PCDHGA6: variants seen among roughly 807,000 people sequenced by gnomAD.
PCDHGA6 encodes protocadherin gamma subfamily A, 6.
In PCDHGA6, 41 loss-of-function variants were observed where a neutral mutation model predicts 60.6. The observed-to-expected ratio is 0.68, with a 90% CI of 0.53 to 0.88. The LOEUF is 0.88. Ranked by LOEUF, PCDHGA6 falls within the 40% of genes least tolerant of loss-of-function variation. The probability of loss-of-function intolerance (pLI) is 0.00; values close to 1 mark genes in which losing one functional copy is unlikely to be tolerated. For synonymous variants in PCDHGA6, 594 were observed against 524.4 expected (o/e 1.13, Z -1.81); for missense variants, 1,312 against 1,203.0 (o/e 1.09, Z -1.34).
chr5:141,445,188 G>A (rs1267342449), intron 1 of PCDHGA6, among the ~76,000 whole-genome samples: 5 of 152,198 alleles, frequency 3.3e-5, no homozygotes, highest in South Asian at 2.1e-4. Flanking sequence ...ATGTTTTTAT[G>A]TATTCTATAT....
At chr5:141,387,602 G>A in intron 1 of PCDHGA6, 3 of 545,116 alleles carry the variant, frequency 5.5e-6, no homozygotes, top group Middle Eastern at 9.5e-4. Context: ...AGCAGCAGAG[G>A]CTGTAGTTTC....
chr5:141,421,410 G>A lies in PCDHGA6; in HGVS notation c.2424+44903G>A, dbSNP rs538537555. On this transcript the variant is annotated intron_variant, in intron 1 of 3. Transcript: ENST00000517434. ...TGGGGCTGGAGCCCCGGGAGCTGGCGAAGCGCGGAGTCCGCATCGTCTCCA... is the reference window on the plus strand; with the variant it reads ...TGGGGCTGGAGCCCCGGGAGCTGGCAAAGCGCGGAGTCCGCATCGTCTCCA... The A allele has an allele frequency of 3.7e-6, 6 of 1,614,084 alleles. No homozygotes were observed. In the African/African-American group the frequency reaches 6.7e-5, roughly 18 times the overall value.
Position 141,428,104 on chromosome 5 carries a change from T to C in PCDHGA6, c.2424+51597T>C, listed in dbSNP as rs751953406. ...AACGCTTGGCTGTCCTACCACGTGCTGCAGGCCATCGAGCCCGGGCTTTTC... is the reference window on the plus strand; with the variant it reads ...AACGCTTGGCTGTCCTACCACGTGCCGCAGGCCATCGAGCCCGGGCTTTTC... On this transcript the variant is annotated intron_variant, in intron 1 of 3. Coordinates refer to ENST00000517434, the MANE Select transcript of PCDHGA6 (RefSeq NM_018919.3). The C allele has an allele frequency of 1.9e-6, 3 of 1,608,398 alleles. No individual in the cohort carries two copies. The South Asian group carries it at 3.3e-5, about 18-fold the overall frequency.
At chr5:141,442,837 A>C (rs2098346617) in intron 1 of PCDHGA6, among the ~76,000 whole-genome samples, 1 of 152,202 alleles carries the variant, frequency 6.6e-6, no homozygotes, top group South Asian at 2.1e-4. Flanking sequence ...GGGAGGGACA[A>C]ATCTTGGCCA....
intron 1 of PCDHGA6, among the ~76,000 whole-genome samples, chr5:141,430,329 T>G (rs1466381565): frequency 1.3e-5 from 2 of 151,776 alleles, no homozygotes; most frequent in Non-Finnish European, 2.9e-5. Flanking sequence ...AATCATTGTT[T>G]ATAGAAACTT....
chr5:141,393,683 G>T lies in PCDHGA6; in HGVS notation c.2424+17176G>T, dbSNP rs370409157. ...GGAAAATTAATGAAAAACAAACTCC[G>T]TTATTCCAGCTTAATGAAAATACTG... On this transcript the variant is annotated intron_variant, in intron 1 of 3. Transcript: ENST00000517434. The T allele has an allele frequency of 2.1e-5, 34 of 1,613,732 alleles. 1 individual carries two copies. The South Asian group carries it at 3.7e-4, about 18-fold the overall frequency.
rs894528472 is a variant in PCDHGA6 at position 141,489,718 on chromosome 5, C to A, written c.2425-5089C>A. 6.2e-7 allele frequency: 1 copy of A among 1,614,038 alleles called. No individual in the cohort carries two copies. Among genetic ancestry groups the A allele is most frequent in the African/African-American group, 1.3e-5 (1 of 74,934 alleles). ...ATTCCCACTGGACAGTGCCCAGGATCCGGATGTGGGCACCAATACTGTGAG... is the reference window on the plus strand; with the variant it reads ...ATTCCCACTGGACAGTGCCCAGGATACGGATGTGGGCACCAATACTGTGAG... On this transcript the variant is annotated intron_variant, in intron 1 of 3. Coordinates refer to ENST00000517434, the MANE Select transcript of PCDHGA6 (RefSeq NM_018919.3). This position sits in a 1 kb window ranked among gnomAD's most constrained non-coding sequence, Gnocchi z 4.5.
At chr5:141,405,062 T>C in intron 1 of PCDHGA6, 1 of 1,613,918 alleles carries the variant, frequency 6.2e-7, no homozygotes, top group Non-Finnish European at 8.5e-7. Flanking sequence ...CTCCTGTGTC[T>C]TCCTCACCTT....
chr5:141,392,971 G>T (rs2092639952), intron 1 of PCDHGA6: 1 of 1,613,896 alleles, frequency 6.2e-7, no homozygotes, highest in Non-Finnish European at 8.5e-7. Flanking sequence ...AAGGACCTGG[G>T]GCTGGACCCC....
chr5:141,384,703 G>C lies in PCDHGA6; in HGVS notation c.2424+8196G>C, dbSNP rs776947081. ...GGTGGACAAAGATTCAGGCCAGAAC[G>C]CCTGGCTGTCATACCTCCTGCTTAA... On this transcript the variant is annotated intron_variant, in intron 1 of 3. Transcript: ENST00000517434. 2 of 1,613,982 alleles carry C rather than the reference G, an allele frequency of 1.2e-6. No individual in the cohort carries two copies. Among genetic ancestry groups the C allele is most frequent in the African/African-American group, 1.3e-5 (1 of 74,932 alleles).
At chr5:141,443,166 C>G (rs914863821) in intron 1 of PCDHGA6, among the ~76,000 whole-genome samples, 1 of 152,124 alleles carries the variant, frequency 6.6e-6, no homozygotes, top group African/African-American at 2.4e-5. Flanking sequence ...ATTTCCCTAC[C>G]CATGTCCACT....
intron 1 of PCDHGA6, chr5:141,478,068 A>G (rs560968418): frequency 3.7e-6 from 6 of 1,614,134 alleles, no homozygotes; most frequent in East Asian, 4.5e-5. Flanking sequence ...ATCAAAGACA[A>G]TGGGGAGCCT....
At position 141,432,643 on chromosome 5, in the gene PCDHGA6, G is replaced by A. The variant is rs2097523971; in HGVS notation, c.2424+56136G>A. 15 of 1,613,754 alleles carry A rather than the reference G, an allele frequency of 9.3e-6. No homozygotes were observed. Among genetic ancestry groups the A allele is most frequent in the East Asian group, 4.5e-5 (2 of 44,860 alleles). ...GTCTGCACACGGGCGAGGTGCGCAC[G>A]GCGCGAGCCCTGCTGGACAGAGACG... On this transcript the variant is annotated intron_variant, in intron 1 of 3. Coordinates refer to ENST00000517434, the MANE Select transcript of PCDHGA6 (RefSeq NM_018919.3). This position sits in a 1 kb window ranked among gnomAD's most constrained non-coding sequence, Gnocchi z 6.0.
intron 1 of PCDHGA6, chr5:141,394,562 G>A (rs1381162611): frequency 2.5e-6 from 4 of 1,614,088 alleles, no homozygotes; most frequent in Admixed American, 3.3e-5. Flanking sequence ...GCTCCGCAGA[G>A]CGTGGCTACC....
At chr5:141,384,606 AGAT>A (rs1561603197) in intron 1 of PCDHGA6, 6 of 1,614,152 alleles carry the variant, frequency 3.7e-6, no homozygotes, top group Non-Finnish European at 5.1e-6. Flanking sequence ...CCCTCCCCAC[AGAT>A]GGTTCTACTG....
chr5:141,413,227 G>T (rs552225139), intron 1 of PCDHGA6: 2 of 1,613,938 alleles, frequency 1.2e-6, no homozygotes, highest in South Asian at 2.2e-5. Flanking sequence ...CAGCGGGCTG[G>T]TCCTGCTCTG....
Position 141,505,374 on chromosome 5 carries a change from C to T in PCDHGA6, c.2484-19C>T. The T allele has an allele frequency of 2.5e-6, 4 of 1,614,004 alleles. No homozygotes were observed. Among genetic ancestry groups the T allele is most frequent in the Non-Finnish European group, 2.5e-6 (3 of 1,179,944 alleles). On this transcript the variant is annotated intron_variant, in intron 2 of 3. Coordinates refer to ENST00000517434, the MANE Select transcript of PCDHGA6 (RefSeq NM_018919.3). Reference sequence around the variant, plus strand: ...TGCCGGCCTGGGAGTCTGTGCTCACCATCCTACTCTCTCCCCAGCTCCCAA... The same window carrying T: ...TGCCGGCCTGGGAGTCTGTGCTCACTATCCTACTCTCTCCCCAGCTCCCAA...
chr5:141,423,597 G>C, intron 1 of PCDHGA6: 1 of 1,613,188 alleles, frequency 6.2e-7, no homozygotes, highest in Non-Finnish European at 8.5e-7. Context: ...AGAAAAGCGA[G>C]CCACTCTTGA....
intron 1 of PCDHGA6, among the ~76,000 whole-genome samples, chr5:141,467,372 T>C (rs1006663543): frequency 2.0e-5 from 3 of 152,072 alleles, no homozygotes; most frequent in African/African-American, 7.2e-5. Flanking sequence ...TTTTCTTATA[T>C]TGCATTTAGG....
Sources: gnomAD v4.1 joint callset for allele counts (sites outside exome capture counted in the v4.1 genomes callset) on GRCh38, gnomAD v4.1.1 for gene constraint, Gnocchi (gnomAD v3.1) non-coding constraint, MANE v1.5 for transcripts, NCBI Gene and HGNC (gene_info 2026-07-23, HGNC 2026-07-21) for gene names.